The following STK3 variants were observed in gnomAD, a reference collection of about 807,000 sequenced individuals.
The protein encoded by STK3 is serine/threonine-protein kinase 3.
STK3 carries 41 observed loss-of-function variants against 58.0 expected under a neutral mutation model. The observed-to-expected ratio is 0.71, with a 90% CI of 0.55 to 0.92. The LOEUF (loss-of-function observed/expected upper bound fraction) is 0.92, where lower values mean the gene tolerates loss of function less well. Ranked by LOEUF, STK3 falls within the 40% of genes least tolerant of loss-of-function variation. STK3 has a pLI of 0.00. For synonymous variants in STK3, 170 were observed against 191.0 expected (o/e 0.89, Z 0.91); for missense variants, 479 against 602.7 (o/e 0.79, Z 2.15).
At chr8:98,371,220 C>T (rs577183287), downstream of STK3, 42 of 152,298 alleles carry the variant, frequency 2.8e-4, no homozygotes, top group African/African-American at 7.9e-4. Flanking sequence ...AAACATTTGC[C>T]GAACTGGTGA....
At chr8:98,530,683 T>C (rs972086219) in intron 9 of STK3, among the ~76,000 whole-genome samples, 3 of 152,236 alleles carry the variant, frequency 2.0e-5, no homozygotes, top group African/African-American at 7.2e-5. Flanking sequence ...TTTCACAAAA[T>C]GTTTCTCTGT....
intron 10 of STK3, among the ~76,000 whole-genome samples, chr8:98,478,364 G>A (rs539537550): frequency 3.7e-4 from 56 of 152,256 alleles, no homozygotes; most frequent in Non-Finnish European, 4.4e-4. Flanking sequence ...GGTAGAGAAG[G>A]GTTTCCCCTA....
At chr8:98,733,277 A>T (rs1302891559) in intron 4 of STK3, among the ~76,000 whole-genome samples, 2 of 152,220 alleles carry the variant, frequency 1.3e-5, no homozygotes. Flanking sequence ...AGAATCTGCT[A>T]AAGCAGGAGT....
At chr8:98,686,155 G>T (rs997706979) in intron 6 of STK3, among the ~76,000 whole-genome samples, 2 of 152,118 alleles carry the variant, frequency 1.3e-5, no homozygotes, top group Non-Finnish European at 2.9e-5. Context: ...CATGTCTGCT[G>T]TGCTTACTAC....
intron 7 of STK3, among the ~76,000 whole-genome samples, chr8:98,586,838 G>C (rs1221242250): frequency 6.6e-6 from 1 of 151,884 alleles, no homozygotes; most frequent in African/African-American, 2.4e-5. Context: ...GAGTGTATGT[G>C]TCGAGGAATT....
rs150660337 is a variant in STK3, at chr8:98,536,510, T to C, written c.1142-9593A>G. ...CTAGGAAAGTTCTGTTTTCTTGATA[T>C]AGGCACAATCCTTTCTGTTTTTTGC... is the stretch of plus-strand genomic sequence containing the variant. On this transcript the variant is annotated intron_variant, in intron 9 of 10. Transcript: ENST00000419617. 2.1e-3 allele frequency among the ~76,000 whole-genome samples: 314 copies of C among 152,260 alleles called. 1 individual carries two copies. Among genetic ancestry groups the C allele is most frequent in the Non-Finnish European group, 3.5e-3 (240 of 68,014 alleles).
At chr8:98,359,243 C>T in the STK3 span, among the ~76,000 whole-genome samples, 1 of 150,442 alleles carries the variant, frequency 6.6e-6, no homozygotes, top group African/African-American at 2.4e-5. Flanking sequence ...CGCGGTGGCT[C>T]ACGCCTGTAA....
At position 98,455,638 on chromosome 8, in the gene STK3, T is replaced by C; in HGVS notation, c.*204A>G. 1.7e-6 allele frequency: 1 copy of C among 590,496 alleles called. No homozygotes were observed. Among genetic ancestry groups the C allele is most frequent in the Non-Finnish European group, 3.0e-6 (1 of 337,374 alleles). The allele number at this position is 590,496 out of a possible 1,614,324, so 36.6% of individuals were successfully genotyped here. On this transcript the variant is annotated 3_prime_UTR_variant, in exon 11 of 11. Coordinates refer to ENST00000419617, the MANE Select transcript of STK3 (RefSeq NM_006281.4). ...GAACAAGAGAATACACTTCTTTTGT[T>C]CTCCTCATCTTAGAGTGAATGCACA... is the stretch of plus-strand genomic sequence containing the variant.
intron 1 of STK3, among the ~76,000 whole-genome samples, chr8:98,818,654 C>T (rs182731437): frequency 1.4e-3 from 219 of 151,866 alleles, no homozygotes; most frequent in Admixed American, 5.8e-3. Flanking sequence ...AATCTATAAA[C>T]TAATTCAGAA....
chr8:98,406,483 G>C (rs1159195514), intron 3 of STK3, among the ~76,000 whole-genome samples: 2 of 151,902 alleles, frequency 1.3e-5, no homozygotes, highest in South Asian at 4.2e-4. Flanking sequence ...AGTGTCTACT[G>C]TTCCCATCTT....
chr8:98,774,718 T>C, intron 2 of STK3, 21 bp downstream of exon 2: 2 of 1,512,290 alleles, frequency 1.3e-6, no homozygotes, highest in South Asian at 1.3e-5. Flanking sequence ...ATTTACATGC[T>C]TTCATACTTT....
chr8:98,739,326 C>T (rs1039530093), intron 4 of STK3, among the ~76,000 whole-genome samples: 1 of 152,166 alleles, frequency 6.6e-6, no homozygotes, highest in African/African-American at 2.4e-5. Flanking sequence ...CTGGAGCAGC[C>T]TAACTGGGAG....
intron 2 of STK3, among the ~76,000 whole-genome samples, chr8:98,378,447 A>G (rs1817697708): frequency 6.6e-6 from 1 of 152,228 alleles, no homozygotes; most frequent in Non-Finnish European, 1.5e-5. Context: ...ATCTGGGCTT[A>G]TACTGTAACT....
intron 1 of STK3, among the ~76,000 whole-genome samples, chr8:98,785,665 C>A (rs756007529): frequency 6.6e-6 from 1 of 152,138 alleles, no homozygotes; most frequent in Non-Finnish European, 1.5e-5. Context: ...AATATATACC[C>A]AGTCACACTG....
At chr8:98,722,925 C>CA in intron 4 of STK3, 2 of 499,974 alleles carry the variant, frequency 4.0e-6, no homozygotes, top group Non-Finnish European at 7.9e-6. Context: ...GATCCATTCT[C>CA]AAATCACAGC....
chr8:98,578,410 T>G (rs1813583239), intron 8 of STK3, among the ~76,000 whole-genome samples: 1 of 152,238 alleles, frequency 6.6e-6, no homozygotes, highest in Admixed American at 6.5e-5. Context: ...ATCTCCTCAC[T>G]AGGTAGTCCA....
At chr8:98,519,352 T>A (rs976441496) in intron 10 of STK3, among the ~76,000 whole-genome samples, 1 of 152,160 alleles carries the variant, frequency 6.6e-6, no homozygotes, top group South Asian at 2.1e-4. Context: ...TTAAGCTGTC[T>A]ACAGGGTCTG....
chr8:98,895,198 C>T (rs1313160525), intron 1 of STK3, among the ~76,000 whole-genome samples: 1 of 152,096 alleles, frequency 6.6e-6, no homozygotes, highest in South Asian at 2.1e-4. Flanking sequence ...CAATGTTTCT[C>T]AACTGTTATT....
chr8:98,803,354 G>A (rs985087836), intron 1 of STK3, among the ~76,000 whole-genome samples: 3 of 152,026 alleles, frequency 2.0e-5, no homozygotes, highest in Non-Finnish European at 2.9e-5. Context: ...CACTTTGGGA[G>A]GCCAAAGCAG....
Sources: gnomAD v4.1 joint callset for allele counts (sites outside exome capture counted in the v4.1 genomes callset) on GRCh38, gnomAD v4.1.1 for gene constraint, MANE v1.5 for transcripts, NCBI Gene and HGNC (gene_info 2026-07-23, HGNC 2026-07-21) for gene names.